BRAF: variants seen among roughly 807,000 people sequenced by gnomAD.
The protein encoded by BRAF is serine/threonine-protein kinase B-raf.
BRAF carries 16 observed loss-of-function variants against 104.6 expected under a neutral mutation model. That is an observed-to-expected ratio of 0.15 (90% CI 0.10 to 0.23). BRAF has a LOEUF of 0.23. Among genes scored for constraint, BRAF ranks in the 10% least tolerant of loss-of-function variants. The pLI is 1.00. For synonymous variants in BRAF, 310 were observed against 341.6 expected (o/e 0.91, Z 1.02); for missense variants, 541 against 937.3 (o/e 0.58, Z 5.52).
At chr7:140,852,426 C>T (rs991994637) in intron 1 of BRAF, among the ~76,000 whole-genome samples, 1 of 148,882 alleles carries the variant, frequency 6.7e-6, no homozygotes, top group African/African-American at 2.5e-5. Context: ...AACAAACAAA[C>T]AAAACACACA....
chr7:140,896,705 A>G (rs570831140), intron 1 of BRAF, among the ~76,000 whole-genome samples: 93 of 152,214 alleles, frequency 6.1e-4, no homozygotes, highest in Middle Eastern at 3.4e-3. Flanking sequence ...GTCTCTACTG[A>G]AAATACAAAA....
intron 1 of BRAF, among the ~76,000 whole-genome samples, chr7:140,907,454 G>A (rs1347596252): frequency 6.6e-6 from 1 of 152,132 alleles, no homozygotes; most frequent in East Asian, 1.9e-4. Context: ...GTAGAGGTGG[G>A]GTTTCACTGT....
At chr7:140,805,752 GA>G (rs1199730968) in intron 5 of BRAF, among the ~76,000 whole-genome samples, 1 of 152,132 alleles carries the variant, frequency 6.6e-6, no homozygotes, top group African/African-American at 2.4e-5. Context: ...GGACTCTTGG[GA>G]TATAGAGAAA....
intron 1 of BRAF, among the ~76,000 whole-genome samples, chr7:140,910,571 C>A (rs1398720032): frequency 1.3e-5 from 2 of 152,192 alleles, no homozygotes; most frequent in African/African-American, 4.8e-5. Context: ...CCCCCACAAA[C>A]CAGAGGCTGG....
At chr7:140,819,537 T>C (rs540647802) in intron 3 of BRAF, among the ~76,000 whole-genome samples, 1 of 152,312 alleles carries the variant, frequency 6.6e-6, no homozygotes, top group East Asian at 1.9e-4. Flanking sequence ...AATACGAATG[T>C]TCACAGCAGC....
chr7:140,827,655 T>G (rs1223328026), intron 3 of BRAF, among the ~76,000 whole-genome samples: 1 of 152,214 alleles, frequency 6.6e-6, no homozygotes, highest in African/African-American at 2.4e-5. Context: ...GGCCCAGTGT[T>G]GTATTCCCAC....
intron 3 of BRAF, among the ~76,000 whole-genome samples, chr7:140,811,502 G>T (rs1334965298): frequency 1.3e-5 from 2 of 152,158 alleles, no homozygotes; most frequent in Admixed American, 6.6e-5. Context: ...ACCCAGCAGG[G>T]AGTCTATGTA....
At chr7:140,815,457 A>G (rs1330775848) in intron 3 of BRAF, among the ~76,000 whole-genome samples, 8 of 104,436 alleles carry the variant, frequency 7.7e-5, no homozygotes, top group Admixed American at 1.2e-4. Context: ...TTTTTTTGAG[A>G]CAGGGTCTTG....
Position 140,794,427 on chromosome 7 carries a change from G to C in BRAF, c.1021C>G (p.Pro341Ala), listed in dbSNP as rs757653653. 41 of 1,613,936 alleles carry C rather than the reference G, an allele frequency of 2.5e-5. No individual in the cohort carries two copies. In the South Asian group the frequency reaches 4.5e-4, roughly 18 times the overall value. Residue 341 changes from proline to alanine, a missense_variant, in exon 8 of 20, where the codon CCA becomes GCA. Coordinates refer to ENST00000644969, the MANE Select transcript of BRAF (RefSeq NM_001374258.1). ...LTSPSPSKSI[P>A]IPQPFRPADE... Reference sequence around the variant, plus strand: ...GCTGGTCGGAAGGGCTGTGGAATTGGAATGGATTTTGAAGGAGACGGACTG... The same window carrying C: ...GCTGGTCGGAAGGGCTGTGGAATTGCAATGGATTTTGAAGGAGACGGACTG...
chr7:140,786,763 G>A (rs1229727522), intron 9 of BRAF, among the ~76,000 whole-genome samples: 2 of 152,208 alleles, frequency 1.3e-5, no homozygotes, highest in African/African-American at 2.4e-5. Flanking sequence ...TCTTCAGAAT[G>A]ATTTAGCAAA....
chr7:140,870,139 GC>G (rs1811418736), intron 1 of BRAF, among the ~76,000 whole-genome samples: 1 of 152,150 alleles, frequency 6.6e-6, no homozygotes, highest in Admixed American at 6.6e-5. Context: ...TCATGAGGGT[GC>G]AGGAGAAAAT....
At position 140,720,857 on chromosome 7, in the gene BRAF, T is replaced by A. The variant is rs10246057; in HGVS notation, c.*5637A>T. On this transcript the variant is annotated 3_prime_UTR_variant, in exon 20 of 20. Transcript: ENST00000644969. ...TAAGCAACTTCATCAAAACCCCCAA[T>A]CCCACCCGTCAACAGACCCTTCCTT... The A allele has an allele frequency of 2.3e-3, 2,422 of 1,065,778 alleles. 51 individuals carry two copies. The African/African-American group carries it at 0.035, about 16-fold the overall frequency. 66.0% of individuals were successfully genotyped at this position (1,065,778 alleles called of 1,614,324 possible). A position where few individuals can be genotyped will look rare whatever the true frequency, so the allele number is the denominator to read the frequency against.
intron 11 of BRAF, 66 bp downstream of exon 10, chr7:140,782,955 A>G (rs1801020800): frequency 6.4e-7 from 1 of 1,555,922 alleles, no homozygotes; most frequent in African/African-American, 1.4e-5. Context: ...AAAGGATAAT[A>G]TTACATTTGG....
Position 140,783,015 on chromosome 7 carries a change from T to A in BRAF, c.1434+6A>T. 1 of 1,613,292 alleles carries A rather than the reference T, an allele frequency of 6.2e-7. No individual in the cohort carries two copies. The highest frequency in any genetic ancestry group is 8.5e-7 in the Non-Finnish European group (1 of 1,179,838). ...TCAGAGAAAAAAAGATATCATATAC[T>A]CTTACCATTCGATTCCTGTCTTCTG... On this transcript the variant is annotated splice_donor_region_variant and intron_variant, in intron 11 of 19. Coordinates refer to ENST00000644969, the MANE Select transcript of BRAF (RefSeq NM_001374258.1).
chr7:140,799,036 T>C (rs1802807763), intron 7 of BRAF: 1 of 176,308 alleles, frequency 5.7e-6, no homozygotes. Flanking sequence ...GTATCTTTAG[T>C]AGAGACAGGG....
At position 140,919,830 on chromosome 7, in the gene BRAF, G is replaced by GTT. The variant is rs71522121; in HGVS notation, c.138+4734_138+4735dup. Among the ~76,000 whole-genome samples, 92 of 148,320 alleles carry GTT rather than the reference G, an allele frequency of 6.2e-4. 1 individual carries two copies. Among genetic ancestry groups the GTT allele is most frequent in the Admixed American group, 1.5e-3 (23 of 14,948 alleles). On this transcript the variant is annotated intron_variant, in intron 1 of 19. Transcript: ENST00000644969. Reference sequence around the variant, plus strand: ...AGAAGTTCTACAAGCAAGTTTTTTTGTTTTTTTTTTGTTTGTTTGTTTGTT... The same window carrying GTT: ...AGAAGTTCTACAAGCAAGTTTTTTTGTTTTTTTTTTTTGTTTGTTTGTTTGTT...
intron 19 of BRAF, among the ~76,000 whole-genome samples, chr7:140,727,914 C>T (rs1795703591): frequency 6.6e-6 from 1 of 152,220 alleles, no homozygotes; most frequent in African/African-American, 2.4e-5. Context: ...AGCCACCATG[C>T]CCGGCCAGCC....
In BRAF at chr7:140,898,484, C is replaced by T. The variant is rs574352947; in HGVS notation, c.138+26082G>A. On this transcript the variant is annotated intron_variant, in intron 1 of 19. Coordinates refer to ENST00000644969, the MANE Select transcript of BRAF (RefSeq NM_001374258.1). ...GTCTATAAACAATTTAAGAAAAAAC[C>T]CAAAGGCTAACATATGAAAACATAC... 4.6e-5 allele frequency among the ~76,000 whole-genome samples: 7 copies of T among 151,934 alleles called. No homozygotes were observed. In the East Asian group the frequency reaches 9.7e-4, roughly 21 times the overall value.
At chr7:140,794,248 G>T in intron 8 of BRAF, 60 bp downstream of exon 8, 1 of 1,572,494 alleles carries the variant, frequency 6.4e-7, no homozygotes, top group Non-Finnish European at 8.7e-7. Context: ...TATAATTATA[G>T]CAGAAAAATA....
Sources: gnomAD v4.1 joint callset for allele counts (sites outside exome capture counted in the v4.1 genomes callset) on GRCh38, gnomAD v4.1.1 for gene constraint, MANE v1.5 for transcripts, NCBI Gene and HGNC (gene_info 2026-07-23, HGNC 2026-07-21) for gene names.